The following CHRM5 variants were observed in gnomAD, a reference collection of about 807,000 sequenced individuals.
The protein encoded by CHRM5 is muscarinic acetylcholine receptor M5.
A neutral mutation model predicts 39.0 loss-of-function variants in CHRM5; 18 were observed. That is an observed-to-expected ratio of 0.46 (90% CI 0.32 to 0.68). The LOEUF is 0.68. Ranked by LOEUF, CHRM5 falls within the 30% of genes least tolerant of loss-of-function variation. CHRM5 has a pLI of 0.04. For synonymous variants in CHRM5, 241 were observed against 246.3 expected, an observed-to-expected ratio of 0.98 and a Z score of 0.20; for missense variants, 515 against 651.1, an observed-to-expected ratio of 0.79 and a Z score of 2.28.
rs749287251 is a variant in CHRM5 at position 34,064,265 on chromosome 15, G to GA, written c.1554dup (p.Val519SerfsTer26). On this transcript the variant is annotated frameshift_variant, in exon 3 of 3. Coordinates refer to ENST00000383263, the MANE Select transcript of CHRM5 (RefSeq NM_012125.4). LOFTEE classifies it high-confidence loss of function. Reference sequence around the variant, plus strand: ...TGCTGCTTCTCTGCCGATGGAAAAAGAAAAAAGTGGAAGAGAAGTTGTACT... The same window carrying GA: ...TGCTGCTTCTCTGCCGATGGAAAAAGAAAAAAAGTGGAAGAGAAGTTGTACT... The GA allele has an allele frequency of 6.2e-7, 1 of 1,611,640 alleles. No individual in the cohort carries two copies. Among genetic ancestry groups the GA allele is most frequent in the South Asian group, 1.1e-5 (1 of 90,668 alleles).
At chr15:34,016,274 C>A (rs764714189) in intron 1 of CHRM5, among the ~76,000 whole-genome samples, 4 of 152,146 alleles carry the variant, frequency 2.6e-5, no homozygotes, top group Non-Finnish European at 5.9e-5. Context: ...AGCAACTTAT[C>A]TCTCCTAGGT....
intron 1 of CHRM5, among the ~76,000 whole-genome samples, chr15:34,007,632 C>T (rs1424420601): frequency 3.3e-5 from 5 of 152,190 alleles, no homozygotes; most frequent in Admixed American, 3.3e-4. Flanking sequence ...CACTTCCACA[C>T]TTTTAGGTAT....
intron 1 of CHRM5, among the ~76,000 whole-genome samples, chr15:34,030,765 C>T (rs1898750483): frequency 6.6e-6 from 1 of 151,884 alleles, no homozygotes; most frequent in African/African-American, 2.4e-5. Context: ...TACAGGCGTG[C>T]ACCACCGTGC....
At chr15:34,038,682 C>G in intron 1 of CHRM5, 1 of 1,059,734 alleles carries the variant, frequency 9.4e-7, no homozygotes, top group Non-Finnish European at 1.1e-6. Context: ...CCGTCTGGCG[C>G]GCGCCTGGCA....
chr15:34,044,966 T>C (rs1373972486), intron 1 of CHRM5, among the ~76,000 whole-genome samples: 1 of 152,176 alleles, frequency 6.6e-6, no homozygotes, highest in Non-Finnish European at 1.5e-5. Context: ...GAGAATGGCA[T>C]GAACCTGGGA....
At chr15:33,997,850 C>T (rs1430450558) in intron 1 of CHRM5, among the ~76,000 whole-genome samples, 1 of 152,196 alleles carries the variant, frequency 6.6e-6, no homozygotes, top group Non-Finnish European at 1.5e-5. Context: ...ACCCATACAG[C>T]ACAATATGAG....
At chr15:33,976,796 G>A (rs542059209) in intron 1 of CHRM5, among the ~76,000 whole-genome samples, 73 of 152,124 alleles carry the variant, frequency 4.8e-4, no homozygotes, top group African/African-American at 1.7e-3. Context: ...TACCTTTCCT[G>A]TCTCAGATCC....
chr15:34,044,459 C>A lies in CHRM5; in HGVS notation c.-407-2081C>A, dbSNP rs374167171. Among the ~76,000 whole-genome samples the A allele has an allele frequency of 3.3e-5, 5 of 152,334 alleles. No homozygotes were observed. The East Asian group carries it at 5.8e-4, about 18-fold the overall frequency. On this transcript the variant is annotated intron_variant, in intron 1 of 2. Coordinates refer to ENST00000383263, the MANE Select transcript of CHRM5 (RefSeq NM_012125.4). ...TTAGGAATTTAAAGATATATATAAT[C>A]CTTGCCCTAGGTTTGTGGGGAAGAC...
At chr15:34,028,782 T>TG (rs1464451011) in intron 1 of CHRM5, among the ~76,000 whole-genome samples, 1 of 151,868 alleles carries the variant, frequency 6.6e-6, no homozygotes, top group Non-Finnish European at 1.5e-5. Context: ...AACTAGCACA[T>TG]GGGGGGTGAG....
At chr15:33,990,774 A>C (rs1896688415) in intron 1 of CHRM5, 1 of 152,230 alleles carries the variant, frequency 6.6e-6, no homozygotes, top group Admixed American at 6.5e-5. Flanking sequence ...GATGACTTTA[A>C]TTTGCCGTAA....
At chr15:34,009,930 C>A (rs1030418358) in intron 1 of CHRM5, among the ~76,000 whole-genome samples, 2 of 152,028 alleles carry the variant, frequency 1.3e-5, no homozygotes, top group African/African-American at 2.4e-5. Flanking sequence ...ACACTGTACT[C>A]CAGCCTGGGC....
intron 1 of CHRM5, among the ~76,000 whole-genome samples, chr15:33,972,744 A>G (rs603479): frequency 0.85 from 129,606 of 152,206 alleles, 57,972 homozygotes; most frequent in Non-Finnish European, 0.98. Flanking sequence ...AGTAGCCAAA[A>G]GACAAAGCAG....
intron 1 of CHRM5, among the ~76,000 whole-genome samples, chr15:34,020,857 T>A (rs1898171025): frequency 6.6e-6 from 1 of 152,242 alleles, no homozygotes; most frequent in African/African-American, 2.4e-5. Flanking sequence ...AGCTGTTTGA[T>A]TTGCCATTTT....
chr15:34,032,027 A>G (rs373869823), intron 1 of CHRM5, among the ~76,000 whole-genome samples: 6 of 151,682 alleles, frequency 4.0e-5, no homozygotes, highest in African/African-American at 1.2e-4. Context: ...GCACACGCAC[A>G]CACACACACA....
intron 1 of CHRM5, among the ~76,000 whole-genome samples, chr15:33,982,950 C>G (rs1303919353): frequency 6.6e-6 from 1 of 151,880 alleles, no homozygotes; most frequent in African/African-American, 2.4e-5. Flanking sequence ...CTCCTTCCTA[C>G]CCATCAACTC....
chr15:33,998,470 C>A (rs1897020507), intron 1 of CHRM5, among the ~76,000 whole-genome samples: 1 of 151,854 alleles, frequency 6.6e-6, no homozygotes, highest in African/African-American at 2.4e-5. Flanking sequence ...AAAAGAAATG[C>A]CAAAAAAAGA....
chr15:33,981,260 A>G (rs934696871), intron 1 of CHRM5, among the ~76,000 whole-genome samples: 1 of 152,242 alleles, frequency 6.6e-6, no homozygotes, highest in African/African-American at 2.4e-5. Flanking sequence ...TGCACAGTTT[A>G]TAACACATAA....
intron 1 of CHRM5, among the ~76,000 whole-genome samples, chr15:34,027,064 A>G (rs1898512133): frequency 6.6e-6 from 1 of 152,244 alleles, no homozygotes; most frequent in South Asian, 2.1e-4. Context: ...TACAAAAGCA[A>G]CAAGAACACT....
intron 1 of CHRM5, among the ~76,000 whole-genome samples, chr15:33,999,925 T>C (rs1346099622): frequency 6.6e-6 from 1 of 152,194 alleles, no homozygotes; most frequent in Non-Finnish European, 1.5e-5. Context: ...AAAACATCTT[T>C]ACAATGGTCT....
Sources: allele counts gnomAD v4.1 joint callset (sites outside exome capture counted in the v4.1 genomes callset), GRCh38; gene constraint gnomAD v4.1.1; transcripts MANE v1.5; gene names NCBI Gene and HGNC (gene_info 2026-07-23, HGNC 2026-07-21).